Variants in EIF2B3 observed in about 807,000 individuals in gnomAD.
The protein encoded by EIF2B3 is eukaryotic translation initiation factor 2B subunit gamma, also known as translation initiation factor eIF2B subunit gamma.
Under a neutral mutation model 54.1 loss-of-function variants are expected in EIF2B3, and 20 were observed. That is an observed-to-expected ratio of 0.37 (90% CI 0.26 to 0.54). The LOEUF is 0.54. Among genes scored for constraint, EIF2B3 ranks in the 20% least tolerant of loss-of-function variants. The pLI, the probability that EIF2B3 is intolerant of heterozygous loss-of-function variation, is 0.86. For synonymous variants in EIF2B3, 153 were observed against 188.1 expected (o/e 0.81, Z 1.52); for missense variants, 448 against 547.8 (o/e 0.82, Z 1.82).
chr1:44,852,717 T>G (rs1273728930), intron 11 of EIF2B3, among the ~76,000 whole-genome samples: 1 of 149,510 alleles, frequency 6.7e-6, no homozygotes. Flanking sequence ...AGGTGGAGGT[T>G]GCAGTGAGCC....
chr1:44,902,115 C>T (rs1187294836), intron 5 of EIF2B3, among the ~76,000 whole-genome samples: 1 of 152,118 alleles, frequency 6.6e-6, no homozygotes, highest in Non-Finnish European at 1.5e-5. Context: ...TGACCATAAA[C>T]CTAAGGGTTT....
chr1:44,920,610 C>G (rs571881326), intron 5 of EIF2B3, among the ~76,000 whole-genome samples: 2 of 152,238 alleles, frequency 1.3e-5, no homozygotes, highest in South Asian at 4.1e-4. Context: ...TGATTTTTAG[C>G]TCACACAAAC....
rs59619203 is a variant in EIF2B3, at chr1:44,932,116, A to AACACACAC, written c.455-5385_455-5378dup. 4.3e-3 allele frequency among the ~76,000 whole-genome samples: 642 copies of AACACACAC among 148,486 alleles called. 3 individuals are homozygous for AACACACAC. Among genetic ancestry groups the AACACACAC allele is most frequent in the East Asian group, 8.1e-3 (41 of 5,088 alleles). On this transcript the variant is annotated intron_variant, in intron 4 of 11. Transcript: ENST00000360403. ...AACAGAGAGAGACTGTCTCAAAACG[A>AACACACAC]ACACACACACACACACACACACACC...
intron 10 of EIF2B3, among the ~76,000 whole-genome samples, chr1:44,870,942 C>T (rs1042013483): frequency 1.3e-5 from 2 of 152,214 alleles, no homozygotes; most frequent in Non-Finnish European, 2.9e-5. Context: ...GCCACCACAC[C>T]CAGCCTTCAG....
intron 5 of EIF2B3, among the ~76,000 whole-genome samples, chr1:44,920,832 A>G (rs112736620): frequency 5.1e-4 from 77 of 152,304 alleles, no homozygotes; most frequent in Middle Eastern, 6.8e-3. Flanking sequence ...GCTATTGTGA[A>G]CAGTGCTGCA....
chr1:44,943,479 G>T (rs1438620467), intron 3 of EIF2B3, among the ~76,000 whole-genome samples: 1 of 151,676 alleles, frequency 6.6e-6, no homozygotes, highest in Non-Finnish European at 1.5e-5. Context: ...GAGTGCAGTG[G>T]CATGATCATG....
In EIF2B3 at chr1:44,881,822, A is replaced by G. The variant is rs1490628850; in HGVS notation, c.657-83T>C. 6.4e-6 allele frequency: 10 copies of G among 1,568,446 alleles called. No individual in the cohort carries two copies. The East Asian group carries it at 6.9e-5, about 11-fold the overall frequency. ...CAAAAGCTCTGTGCATACAAGGAAA[A>G]GCCAAATCCTTTCCTGTCATGGCAC... On this transcript the variant is annotated intron_variant, in intron 6 of 11. Coordinates refer to ENST00000360403, the MANE Select transcript of EIF2B3 (RefSeq NM_020365.5). This position sits in a 1 kb window ranked among gnomAD's most constrained non-coding sequence, Gnocchi z 4.0.
chr1:44,904,232 T>C (rs545033423), intron 5 of EIF2B3, among the ~76,000 whole-genome samples: 1 of 152,256 alleles, frequency 6.6e-6, no homozygotes, highest in East Asian at 1.9e-4. Context: ...GAAAACCCAG[T>C]TGCACAAAAA....
At chr1:44,855,679 C>G (rs1654411713) in intron 11 of EIF2B3, among the ~76,000 whole-genome samples, 1 of 152,116 alleles carries the variant, frequency 6.6e-6, no homozygotes, top group Non-Finnish European at 1.5e-5. Context: ...GCCTCAACCT[C>G]CCAGGTAGCT....
chr1:44,926,381 TCTC>T (rs1303735726), intron 5 of EIF2B3, among the ~76,000 whole-genome samples: 2 of 152,126 alleles, frequency 1.3e-5, no homozygotes, highest in Non-Finnish European at 2.9e-5. Flanking sequence ...ACAGTCCTGT[TCTC>T]CTCACAGCTG....
intron 3 of EIF2B3, chr1:44,959,323 G>T: frequency 1.6e-6 from 1 of 610,802 alleles, no homozygotes. Flanking sequence ...ATTTAGTTTT[G>T]CCTCTCCTCT....
intron 3 of EIF2B3, among the ~76,000 whole-genome samples, chr1:44,961,290 C>T (rs1041220654): frequency 2.8e-5 from 4 of 143,574 alleles, no homozygotes; most frequent in African/African-American, 1.0e-4. Flanking sequence ...GCACTCCAAC[C>T]TGGGCAACAG....
At chr1:44,974,930 T>A (rs1261532052) in intron 3 of EIF2B3, among the ~76,000 whole-genome samples, 1 of 151,904 alleles carries the variant, frequency 6.6e-6, no homozygotes, top group Non-Finnish European at 1.5e-5. Flanking sequence ...AATTTCTACA[T>A]TGGGCTGGGT....
At chr1:44,865,185 C>A (rs1654729137) in intron 10 of EIF2B3, among the ~76,000 whole-genome samples, 1 of 147,518 alleles carries the variant, frequency 6.8e-6, no homozygotes, top group Non-Finnish European at 1.5e-5. Context: ...TCACTGCACT[C>A]CAGCCTGGGC....
intron 6 of EIF2B3, among the ~76,000 whole-genome samples, chr1:44,886,815 C>T (rs1159389642): frequency 6.6e-6 from 1 of 152,214 alleles, no homozygotes; most frequent in Non-Finnish European, 1.5e-5. Flanking sequence ...ATGCCTCTGA[C>T]CATGAGGCAT....
rs754587808 is a variant in EIF2B3 at position 44,897,430 on chromosome 1, C to T, written c.581G>A (p.Arg194His). The change falls in exon 6 of 12, where the codon CGT becomes CAT. Residue 194 changes from arginine (R) to histidine (H), a missense_variant. Arg to His is a conservative substitution (Grantham distance 29). Around this residue, in one of 3 missense-constraint regions of EIF2B3, gnomAD observed 350 missense variants for 414.2 expected, o/e 0.85. Coordinates refer to ENST00000360403, the MANE Select transcript of EIF2B3 (RefSeq NM_020365.5). ...GSILQKHPRI[R>H]FHTGLVDAHL... ...GGCATCCACAAGACCCGTGTGGAAACGTATTCTAGGATGCCTGCAAAAAAA... is the reference window on the plus strand; with the variant it reads ...GGCATCCACAAGACCCGTGTGGAAATGTATTCTAGGATGCCTGCAAAAAAA... 3.5e-5 allele frequency: 57 copies of T among 1,612,138 alleles called. No individual in the cohort carries two copies. Among genetic ancestry groups the T allele is most frequent in the Non-Finnish European group, 4.2e-5 (49 of 1,179,270 alleles).
chr1:44,907,060 A>T (rs745986894), intron 5 of EIF2B3, among the ~76,000 whole-genome samples: 35 of 152,094 alleles, frequency 2.3e-4, no homozygotes, highest in Non-Finnish European at 3.4e-4. Context: ...TACCTGCTAA[A>T]TCCTTCTCTA....
rs1396876676 is a variant in EIF2B3, at chr1:44,884,970, CAT to C, written c.657-3233_657-3232del. Among the ~76,000 whole-genome samples the C allele has an allele frequency of 2.6e-5, 4 of 152,214 alleles. No individual in the cohort carries two copies. In the East Asian group the frequency reaches 7.7e-4, roughly 29 times the overall value. ...CCCCATGATGCAGTTGACTTAGAAACATAATGAAGGAAACAATTACTCTTCCT... is the reference window on the plus strand; with the variant it reads ...CCCCATGATGCAGTTGACTTAGAAACAATGAAGGAAACAATTACTCTTCCT... On this transcript the variant is annotated intron_variant, in intron 6 of 11. Coordinates refer to ENST00000360403, the MANE Select transcript of EIF2B3 (RefSeq NM_020365.5).
intron 6 of EIF2B3, among the ~76,000 whole-genome samples, chr1:44,889,120 G>A (rs1425337123): frequency 6.6e-6 from 1 of 152,148 alleles, no homozygotes; most frequent in Non-Finnish European, 1.5e-5. Flanking sequence ...TTCCCTCCAT[G>A]AACCATCTTG....
Sources: gnomAD v4.1 joint callset for allele counts (sites outside exome capture counted in the v4.1 genomes callset) on GRCh38, gnomAD v4.1.1 for gene constraint, gnomAD v4.1.1 regional missense constraint, Gnocchi (gnomAD v3.1) non-coding constraint, MANE v1.5 for transcripts, NCBI Gene and HGNC (gene_info 2026-07-23, HGNC 2026-07-21) for gene names.